SLC37A1: variants seen among roughly 807,000 people sequenced by gnomAD.
SLC37A1 encodes the protein solute carrier family 37 member 1, also known as glucose-6-phosphate exchanger SLC37A1.
Under a neutral mutation model 75.3 loss-of-function variants are expected in SLC37A1, and 49 were observed. The observed-to-expected ratio is 0.65, with a 90% confidence interval of 0.52 to 0.83. The LOEUF (loss-of-function observed/expected upper bound fraction) is 0.83, where lower values mean the gene tolerates loss of function less well. SLC37A1 is among the 40% of genes least tolerant of loss of function. The pLI is 0.00. For missense variants in SLC37A1, 566 were observed against 695.0 expected (o/e 0.81, Z 2.09); for synonymous variants, 268 against 292.1 (o/e 0.92, Z 0.84).
rs1394704149 is a variant in SLC37A1, at chr21:42,548,419, C to T, written c.768+1279C>T. On this transcript the variant is annotated intron_variant, in intron 9 of 19. Transcript: ENST00000352133. The surrounding 1 kb of genome is among the most constrained non-coding windows in gnomAD (Gnocchi z 5.6). The stretch of plus-strand genomic sequence containing the variant: ...CCATCTCAGTCAGGAAGCTGCTGTC[C>T]ACCCTGTGGACAGGCCAGACCCGAG... Among the ~76,000 whole-genome samples, 2 of 152,076 alleles carry T rather than the reference C, an allele frequency of 1.3e-5. No individual in the cohort carries two copies. Among genetic ancestry groups the T allele is most frequent in the African/African-American group, 2.4e-5 (1 of 41,404 alleles).
chr21:42,553,580 G>A (rs1011987089), intron 9 of SLC37A1, among the ~76,000 whole-genome samples: 1 of 152,062 alleles, frequency 6.6e-6, no homozygotes, highest in Non-Finnish European at 1.5e-5. Flanking sequence ...GAGTGCATCA[G>A]TGCAGTCCTT....
chr21:42,537,292 T>A (rs993274015), intron 5 of SLC37A1, among the ~76,000 whole-genome samples: 1 of 151,988 alleles, frequency 6.6e-6, no homozygotes, highest in African/African-American at 2.4e-5. Flanking sequence ...AGCTGGAGAG[T>A]GTGGTGTGTA....
chr21:42,568,516 C>T, intron 17 of SLC37A1, 78 bp downstream of exon 17: 1 of 1,397,400 alleles, frequency 7.2e-7, no homozygotes, highest in Non-Finnish European at 1.0e-6. Context: ...GAACAGGTAC[C>T]CAGGGTTCCA....
chr21:42,564,207 A>G (rs58685769), intron 13 of SLC37A1, among the ~76,000 whole-genome samples: 7,589 of 78,674 alleles, frequency 0.096, 763 homozygotes, highest in African/African-American at 0.29. Context: ...AGGCAACATA[A>G]CAAGACCCCT....
chr21:42,511,315 C>T (rs950739989), upstream of SLC37A1, among the ~76,000 whole-genome samples: 3 of 152,058 alleles, frequency 2.0e-5, no homozygotes, highest in Non-Finnish European at 4.4e-5. Flanking sequence ...CATACCAAAA[C>T]GTATGGGATG....
At chr21:42,569,797 T>C (rs1288155126) in intron 17 of SLC37A1, among the ~76,000 whole-genome samples, 1 of 152,266 alleles carries the variant, frequency 6.6e-6, no homozygotes, top group African/African-American at 2.4e-5. Context: ...TTCTTTGCTG[T>C]ATCCCAGTGA....
In SLC37A1 at chr21:42,548,018, G is replaced by A. The variant is rs2055457408; in HGVS notation, c.768+878G>A. ...GCCCGTCGCCCGCGTCTGACCCAAT[G>A]CTTCCCTCCCTCTGGGGGTCAGCTC... On this transcript the variant is annotated intron_variant, in intron 9 of 19. Coordinates refer to ENST00000352133, the MANE Select transcript of SLC37A1 (RefSeq NM_001320537.2). This position sits in a 1 kb window ranked among gnomAD's most constrained non-coding sequence, Gnocchi z 5.6. 6.6e-6 allele frequency among the ~76,000 whole-genome samples: 1 copy of A among 152,078 alleles called. No individual in the cohort carries two copies. The highest frequency in any genetic ancestry group is 1.5e-5 in the Non-Finnish European group (1 of 68,014).
chr21:42,568,389 G>A lies in SLC37A1; in HGVS notation c.1374G>A (p.Ala458=), dbSNP rs765627903. ...LGTHKSLKGN[A]HALSTVTAII... is the part of the protein sequence containing the mutation. ...CTCATAAAAGTCTGAAAGGCAACGC[G>A]CACGCCCTCTCCACCGTGACGGCCA... Residue 458 remains alanine, a synonymous_variant, in exon 17 of 20, where the codon GCG becomes GCA. Transcript: ENST00000352133. 2.3e-5 allele frequency: 37 copies of A among 1,613,986 alleles called. No individual in the cohort carries two copies. The highest frequency in any genetic ancestry group is 8.9e-5 in the East Asian group (4 of 44,896).
At chr21:42,513,170 G>A (rs1278238956), upstream of SLC37A1, among the ~76,000 whole-genome samples, 3 of 152,196 alleles carry the variant, frequency 2.0e-5, no homozygotes, top group Non-Finnish European at 2.9e-5. Context: ...CTAGGGGACT[G>A]GCCAGGCCCC....
chr21:42,543,730 G>T, intron 8 of SLC37A1, 128 bp downstream of exon 8: 1 of 901,648 alleles, frequency 1.1e-6, no homozygotes. Context: ...CTGCCTCAGC[G>T]CTCTTCTTAC....
intron 2 of SLC37A1, among the ~76,000 whole-genome samples, chr21:42,519,398 C>G (rs1393776471): frequency 1.3e-5 from 2 of 152,160 alleles, no homozygotes; most frequent in Non-Finnish European, 2.9e-5. Context: ...GTGATCATTC[C>G]TGTTTCAGTG....
chr21:42,579,717 C>T lies in SLC37A1; in HGVS notation c.1522-19C>T, dbSNP rs2056382590. ...TGCCTGCTCCAGTAACAGGTGGGCTCACCTTTGTTTTGGTGCAGTTCCTGA... is the reference window on the plus strand; with the variant it reads ...TGCCTGCTCCAGTAACAGGTGGGCTTACCTTTGTTTTGGTGCAGTTCCTGA... On this transcript the variant is annotated intron_variant, in intron 18 of 19. Coordinates refer to ENST00000352133, the MANE Select transcript of SLC37A1 (RefSeq NM_001320537.2). 1.9e-6 allele frequency: 3 copies of T among 1,614,054 alleles called. No homozygotes were observed. Among genetic ancestry groups the T allele is most frequent in the South Asian group, 2.2e-5 (2 of 91,074 alleles).
At chr21:42,532,305 G>A (rs1477064584) in intron 3 of SLC37A1, among the ~76,000 whole-genome samples, 1 of 152,206 alleles carries the variant, frequency 6.6e-6, no homozygotes. Context: ...AAATCACAAA[G>A]GATATAAAAT....
At position 42,547,146 on chromosome 21, in the gene SLC37A1, G is replaced by A. The variant is rs375664854; in HGVS notation, c.768+6G>A. The A allele has an allele frequency of 2.5e-6, 4 of 1,614,016 alleles. No homozygotes were observed. The African/African-American group carries it at 4.0e-5, about 16-fold the overall frequency. ...GCTCCTCCACCCTGGTGACGGTAAG[G>A]ACCCTGTTTTCTTGTCCTTTTCTAG... On this transcript the variant is annotated splice_donor_region_variant and intron_variant, in intron 9 of 19. Coordinates refer to ENST00000352133, the MANE Select transcript of SLC37A1 (RefSeq NM_001320537.2). This position sits in a 1 kb window ranked among gnomAD's most constrained non-coding sequence, Gnocchi z 6.1.
rs548369908 is a variant in SLC37A1, at chr21:42,551,426, A to C, written c.769-2636A>C. 2.0e-5 allele frequency among the ~76,000 whole-genome samples: 3 copies of C among 152,300 alleles called. No homozygotes were observed. In the East Asian group the frequency reaches 5.8e-4, roughly 29 times the overall value. On this transcript the variant is annotated intron_variant, in intron 9 of 19. Coordinates refer to ENST00000352133, the MANE Select transcript of SLC37A1 (RefSeq NM_001320537.2). ...CAAACCTAGAGATAGAAAGAAGATG[A>C]GTGGTTGTCAGGGACTAGGGTGGGA...
At chr21:42,563,769 G>A (rs199777910) in intron 12 of SLC37A1, 46 bp from the exon 13 acceptor site, 43 of 1,592,668 alleles carry the variant, frequency 2.7e-5, no homozygotes, top group Admixed American at 1.7e-4. Context: ...GCTGCGATGC[G>A]TGAAGGAGAT....
chr21:42,511,687 AGGGGGAG>A, upstream of SLC37A1, among the ~76,000 whole-genome samples: 1 of 152,172 alleles, frequency 6.6e-6, no homozygotes, highest in South Asian at 2.1e-4. Context: ...CAGGAGGCTG[AGGGGGAG>A]GATCACTTGG....
intron 18 of SLC37A1, chr21:42,575,173 A>T: frequency 2.0e-6 from 2 of 984,984 alleles, no homozygotes; most frequent in African/African-American, 3.5e-5. Context: ...CCGTGGCTCT[A>T]GATCCTGCCT....
chr21:42,526,516 C>G (rs1482020521), intron 3 of SLC37A1, among the ~76,000 whole-genome samples: 2 of 152,198 alleles, frequency 1.3e-5, no homozygotes, highest in Non-Finnish European at 2.9e-5. Context: ...CCAGTGGCCC[C>G]TCGCTCACTC....
Sources: gnomAD v4.1 joint callset for allele counts (sites outside exome capture counted in the v4.1 genomes callset) on GRCh38, gnomAD v4.1.1 for gene constraint, Gnocchi (gnomAD v3.1) non-coding constraint, MANE v1.5 for transcripts, NCBI Gene and HGNC (gene_info 2026-07-23, HGNC 2026-07-21) for gene names.